RIC8B: variants seen among roughly 807,000 people sequenced by gnomAD.
RIC8B encodes the protein RIC8 guanine nucleotide exchange factor B, also known as chaperone Ric-8B.
A neutral mutation model predicts 57.5 loss-of-function variants in RIC8B; 16 were observed. The ratio of observed to expected loss-of-function variants is 0.28; its 90% CI spans 0.19 to 0.42. RIC8B has a LOEUF of 0.42. Among genes scored for constraint, RIC8B ranks in the 10% least tolerant of loss-of-function variants. The probability of loss-of-function intolerance (pLI) is 1.00; values close to 1 mark genes in which losing one functional copy is unlikely to be tolerated. For synonymous variants in RIC8B, 216 were observed against 250.8 expected (o/e 0.86, Z 1.31); for missense variants, 481 against 677.0 (o/e 0.71, Z 3.21).
intron 2 of RIC8B, among the ~76,000 whole-genome samples, chr12:106,813,745 G>T (rs1364609175): frequency 1.5e-4 from 23 of 152,126 alleles, no homozygotes. Flanking sequence ...ATTGGTAATA[G>T]TAGTTGTTGT....
Position 106,825,743 on chromosome 12 carries a change from C to A in RIC8B, c.759C>A (p.Phe253Leu). 6.2e-7 allele frequency: 1 copy of A among 1,613,346 alleles called. No homozygotes were observed. The highest frequency in any genetic ancestry group is 8.5e-7 in the Non-Finnish European group (1 of 1,179,386). Residue 253 changes from phenylalanine (F) to leucine (L), a missense_variant, in exon 4 of 10, where the codon TTC (phenylalanine) becomes TTA (leucine). Physicochemically the swap from Phe to Leu is conservative, Grantham distance 22 (BLOSUM62 0). Transcript: ENST00000392837. ...TGCCATAGAGTGATTCTCATCAGTT[C>A]CGTGTAATGGCAGCTGTCCTTCGTC... ...KVHKESDSHQ[F>L]RVMAAVLRHC...
intron 8 of RIC8B, among the ~76,000 whole-genome samples, chr12:106,870,117 AGTTT>A (rs967492578): frequency 3.3e-5 from 5 of 151,788 alleles, no homozygotes; most frequent in African/African-American, 9.7e-5. Context: ...CTAAGAGAAT[AGTTT>A]GTTTGGTATT....
chr12:106,833,593 T>C (rs555315100), intron 4 of RIC8B, among the ~76,000 whole-genome samples: 2 of 152,058 alleles, frequency 1.3e-5, no homozygotes, highest in Non-Finnish European at 2.9e-5. Context: ...AGAGTGAGAC[T>C]CTGTCTCAAA....
chr12:106,859,329 G>T (rs979714505), intron 7 of RIC8B, among the ~76,000 whole-genome samples: 1 of 152,108 alleles, frequency 6.6e-6, no homozygotes, highest in Non-Finnish European at 1.5e-5. Flanking sequence ...CATTACTGCA[G>T]TGCAAGTGTC....
At chr12:106,804,234 A>G (rs1342876672) in intron 2 of RIC8B, among the ~76,000 whole-genome samples, 16 of 125,088 alleles carry the variant, frequency 1.3e-4, no homozygotes, top group Non-Finnish European at 2.5e-4. Context: ...TTTTTTTTTG[A>G]GACAGAGTCT....
At chr12:106,858,943 A>G (rs535724664) in intron 7 of RIC8B, among the ~76,000 whole-genome samples, 1 of 152,100 alleles carries the variant, frequency 6.6e-6, no homozygotes, top group East Asian at 1.9e-4. Flanking sequence ...GATCATATAT[A>G]CCCACTTTTC....
At chr12:106,809,430 G>A (rs1481237082) in intron 2 of RIC8B, among the ~76,000 whole-genome samples, 3 of 151,506 alleles carry the variant, frequency 2.0e-5, no homozygotes, top group Non-Finnish European at 4.4e-5. Context: ...GGCTGAGACA[G>A]GAGAATCACT....
At chr12:106,874,290 G>A (rs1281780465) in intron 9 of RIC8B, among the ~76,000 whole-genome samples, 1 of 152,116 alleles carries the variant, frequency 6.6e-6, no homozygotes, top group Non-Finnish European at 1.5e-5. Context: ...TTTCACTCTA[G>A]GACGTTCTGC....
intron 2 of RIC8B, among the ~76,000 whole-genome samples, chr12:106,806,175 G>A (rs571431729): frequency 6.6e-5 from 10 of 152,260 alleles, no homozygotes; most frequent in East Asian, 1.9e-4. Context: ...TCGAACTCCC[G>A]ACCTCAGGTG....
At chr12:106,789,446 C>T (rs115149808) in intron 2 of RIC8B, among the ~76,000 whole-genome samples, 2,385 of 152,200 alleles carry the variant, frequency 0.016, 20 homozygotes, top group African/African-American at 0.029. Context: ...CATTTTCACA[C>T]GGCTAATAAA....
At chr12:106,857,200 G>A (rs1348024458) in intron 7 of RIC8B, among the ~76,000 whole-genome samples, 4 of 152,136 alleles carry the variant, frequency 2.6e-5, no homozygotes, top group African/African-American at 4.8e-5. Context: ...GGGCAGTTGT[G>A]TGGAATAAGA....
intron 9 of RIC8B, among the ~76,000 whole-genome samples, chr12:106,878,823 T>TC (rs1236284569): frequency 2.0e-3 from 266 of 131,036 alleles, no homozygotes; most frequent in African/African-American, 6.3e-3. Context: ...ATGCCTCATG[T>TC]TCCCCCCCCC....
At chr12:106,853,020 A>G (rs1300294851) in intron 7 of RIC8B, among the ~76,000 whole-genome samples, 2 of 152,222 alleles carry the variant, frequency 1.3e-5, no homozygotes, top group East Asian at 1.9e-4. Flanking sequence ...TTGTCAAAAT[A>G]TATACCAAAA....
intron 3 of RIC8B, among the ~76,000 whole-genome samples, chr12:106,817,329 C>T (rs1156466329): frequency 1.3e-5 from 2 of 152,080 alleles, no homozygotes; most frequent in Non-Finnish European, 2.9e-5. Flanking sequence ...AGAAAGAGCG[C>T]ACTGATTGAG....
At chr12:106,868,766 G>GACACACACAC (rs56293147) in intron 8 of RIC8B, among the ~76,000 whole-genome samples, 131 of 123,026 alleles carry the variant, frequency 1.1e-3, no homozygotes, top group African/African-American at 3.5e-3. Flanking sequence ...AGGCACTCTA[G>GACACACACAC]ACACACACAC....
chr12:106,814,842 G>A lies in RIC8B; in HGVS notation c.279G>A (p.Leu93=), dbSNP rs773083926. The A allele has an allele frequency of 3.7e-6, 6 of 1,614,090 alleles. No homozygotes were observed. In the East Asian group the frequency reaches 1.1e-4, roughly 30 times the overall value. Reference sequence around the variant, plus strand: ...CTAAGGAAAATATGCAGATACTGCTGCGACTAGCCAAGCTAAATGAGTTAG... The same window carrying A: ...CTAAGGAAAATATGCAGATACTGCTACGACTAGCCAAGCTAAATGAGTTAG... The part of the protein sequence containing the change: ...VTTKENMQIL[L]RLAKLNELDD... The change falls in exon 3 of 10, where the codon CTG becomes CTA. Residue 93 remains leucine (L), a synonymous_variant. Transcript: ENST00000392837.
intron 2 of RIC8B, among the ~76,000 whole-genome samples, chr12:106,799,149 A>AT (rs1022616769): frequency 6.6e-6 from 1 of 152,196 alleles, no homozygotes; most frequent in Non-Finnish European, 1.5e-5. Context: ...CTGCAGTGTT[A>AT]TTTTTTATAA....
chr12:106,814,086 T>G (rs949468282), intron 2 of RIC8B, among the ~76,000 whole-genome samples: 3 of 152,236 alleles, frequency 2.0e-5, no homozygotes, highest in African/African-American at 7.2e-5. Context: ...GTCCACAGTC[T>G]GAGCTTTCCA....
Position 106,798,061 on chromosome 12 carries a change from C to T in RIC8B, c.132+14017C>T. 4.2e-6 allele frequency: 3 copies of T among 717,004 alleles called. No individual in the cohort carries two copies. The South Asian group carries it at 4.4e-5, about 11-fold the overall frequency. 44.4% of individuals were successfully genotyped at this position (717,004 alleles called of 1,614,324 possible). A position where few individuals can be genotyped will look rare whatever the true frequency, so the allele number is the denominator to read the frequency against. On this transcript the variant is annotated intron_variant, in intron 2 of 9. Coordinates refer to ENST00000392837, the MANE Select transcript of RIC8B (RefSeq NM_001330145.2). ...CGTTGACAGAAAACAGAAGATCATG[C>T]TTGCCAGTGTAAGTGACTGAATAAA... is the stretch of plus-strand genomic sequence containing the variant.
Sources: gnomAD v4.1 joint callset for allele counts (sites outside exome capture counted in the v4.1 genomes callset) on GRCh38, gnomAD v4.1.1 for gene constraint, MANE v1.5 for transcripts, NCBI Gene and HGNC (gene_info 2026-07-23, HGNC 2026-07-21) for gene names.